Variants in GABRB3 observed in about 807,000 individuals in gnomAD.
GABRB3 encodes gamma-aminobutyric acid receptor subunit beta-3.
A neutral mutation model predicts 52.1 loss-of-function variants in GABRB3; 14 were observed. That is an observed-to-expected ratio of 0.27 (90% confidence interval 0.18 to 0.42). The LOEUF is 0.42. GABRB3 is among the 10% of genes least tolerant of loss of function. The pLI, the probability that GABRB3 is intolerant of heterozygous loss-of-function variation, is 1.00. For synonymous variants in GABRB3, 260 were observed against 232.3 expected (o/e 1.12, Z -1.08); for missense variants, 307 against 609.1 (o/e 0.50, Z 5.22).
intron 3 of GABRB3, among the ~76,000 whole-genome samples, chr15:26,746,281 A>T (rs1209418251): frequency 6.6e-6 from 1 of 151,966 alleles, no homozygotes; most frequent in African/African-American, 2.4e-5. Context: ...ATGTCAGTGC[A>T]TATGTTTTGC....
At chr15:26,734,030 T>C (rs1177590710) in intron 3 of GABRB3, among the ~76,000 whole-genome samples, 5 of 146,388 alleles carry the variant, frequency 3.4e-5, no homozygotes, top group Non-Finnish European at 6.0e-5. Flanking sequence ...GGGCTTTTTT[T>C]TTTTTTTTTT....
At chr15:26,678,877 C>T (rs981417232) in intron 3 of GABRB3, among the ~76,000 whole-genome samples, 1 of 152,076 alleles carries the variant, frequency 6.6e-6, no homozygotes, top group African/African-American at 2.4e-5. Context: ...CAGAGGAGCC[C>T]AGTGATTGTA....
chr15:26,681,273 C>A (rs549415528), intron 3 of GABRB3, among the ~76,000 whole-genome samples: 9 of 152,276 alleles, frequency 5.9e-5, no homozygotes, highest in Admixed American at 2.6e-4. Flanking sequence ...CTTCCATCTC[C>A]TTCCTCAGGG....
rs1007131652 is a variant in GABRB3, at chr15:26,579,774, T to G, written c.682+545A>C. Among the ~76,000 whole-genome samples, 9 of 152,140 alleles carry G rather than the reference T, an allele frequency of 5.9e-5. 1 individual carries two copies. In the South Asian group the frequency reaches 6.2e-4, roughly 11 times the overall value. On this transcript the variant is annotated intron_variant, in intron 6 of 8. Transcript: ENST00000311550. ...AGACGCCATCTCAATCTTGGGGCAG[T>G]TGATATAAAGATGACAAGGAAACCC... is the stretch of plus-strand genomic sequence containing the variant.
In GABRB3 at chr15:26,546,401, A is replaced by G. The variant is rs1889243575; in HGVS notation, c.*1392T>C. 6.6e-6 allele frequency: 1 copy of G among 152,546 alleles called. No individual in the cohort carries two copies. 9.4% of individuals were successfully genotyped at this position (152,546 alleles called of 1,614,324 possible). On this transcript the variant is annotated 3_prime_UTR_variant, in exon 9 of 9. Coordinates refer to ENST00000311550, the MANE Select transcript of GABRB3 (RefSeq NM_000814.6). ...TGTCTTGTTTCTACGAGCTTTAAAA[A>G]GTCCAAATACTGATGAGGCTGTGGA...
At chr15:26,615,955 G>C (rs1892240522) in intron 4 of GABRB3, 10 of 1,288,864 alleles carry the variant, frequency 7.8e-6, no homozygotes, top group South Asian at 6.2e-5. Flanking sequence ...TTTACAAGCA[G>C]GAACAGCAGG....
At chr15:26,758,938 C>T (rs1720225834) in intron 3 of GABRB3, among the ~76,000 whole-genome samples, 1 of 152,120 alleles carries the variant, frequency 6.6e-6, no homozygotes, top group Non-Finnish European at 1.5e-5. Flanking sequence ...CCATCTACAG[C>T]GGAAAAACCT....
chr15:26,577,074 G>A (rs1890619227), intron 6 of GABRB3, among the ~76,000 whole-genome samples: 1 of 152,156 alleles, frequency 6.6e-6, no homozygotes. Context: ...AGATAGACAG[G>A]ATATGATGAC....
In GABRB3 at chr15:26,648,567, G is replaced by C. The variant is rs117501876; in HGVS notation, c.241-27033C>G. ...GAAAGGGCCATCAGTTAAAAATACT[G>C]AGGAGGAACAGTGAGGGAGCGGCAG... On this transcript the variant is annotated intron_variant, in intron 3 of 8. Coordinates refer to ENST00000311550, the MANE Select transcript of GABRB3 (RefSeq NM_000814.6). Among the ~76,000 whole-genome samples, 212 of 152,326 alleles carry C rather than the reference G, an allele frequency of 1.4e-3. 1 individual carries two copies. The highest frequency in any genetic ancestry group is 2.5e-3 in the Non-Finnish European group (172 of 68,028).
intron 3 of GABRB3, among the ~76,000 whole-genome samples, chr15:26,634,256 C>T (rs1892983143): frequency 6.6e-6 from 1 of 152,126 alleles, no homozygotes; most frequent in Admixed American, 6.5e-5. Flanking sequence ...CCTTTCCATC[C>T]AGATGCCCCA....
At chr15:26,676,030 A>G (rs1869450566) in intron 3 of GABRB3, among the ~76,000 whole-genome samples, 1 of 152,204 alleles carries the variant, frequency 6.6e-6, no homozygotes, top group African/African-American at 2.4e-5. Flanking sequence ...CTTTGTCATC[A>G]GAACTTATGC....
At chr15:26,686,737 G>A (rs922674984) in intron 3 of GABRB3, among the ~76,000 whole-genome samples, 2 of 152,216 alleles carry the variant, frequency 1.3e-5, no homozygotes, top group Non-Finnish European at 1.5e-5. Context: ...CCTCCTTAGC[G>A]TGCTGGCACA....
intron 3 of GABRB3, among the ~76,000 whole-genome samples, chr15:26,729,892 G>A (rs1314344028): frequency 1.3e-5 from 2 of 152,166 alleles, no homozygotes; most frequent in Non-Finnish European, 2.9e-5. Context: ...TCTCTCTACA[G>A]AACATCTGCC....
At chr15:26,676,291 CCTCTT>C (rs1209668499) in intron 3 of GABRB3, among the ~76,000 whole-genome samples, 11 of 152,162 alleles carry the variant, frequency 7.2e-5, no homozygotes, top group Admixed American at 2.0e-4. Context: ...CAGGGTTTTT[CCTCTT>C]CTCTTTTCAT....
intron 3 of GABRB3, among the ~76,000 whole-genome samples, chr15:26,670,349 C>G (rs1566798789): frequency 6.6e-6 from 1 of 152,168 alleles, no homozygotes; most frequent in Non-Finnish European, 1.5e-5. Flanking sequence ...CTGGACAGAC[C>G]CGGTCCAGGC....
intron 3 of GABRB3, among the ~76,000 whole-genome samples, chr15:26,740,960 T>C (rs1890189839): frequency 6.6e-6 from 1 of 151,746 alleles, no homozygotes; most frequent in African/African-American, 2.4e-5. Context: ...CGACTCTGAG[T>C]CAGAATTTCA....
chr15:26,606,154 A>T (rs1566770010), intron 4 of GABRB3, among the ~76,000 whole-genome samples: 1 of 152,138 alleles, frequency 6.6e-6, no homozygotes, highest in Non-Finnish European at 1.5e-5. Flanking sequence ...TGAGATGTGG[A>T]CAGGGGCACA....
Position 26,570,410 on chromosome 15 carries a change from C to T in GABRB3, c.683-2677G>A, listed in dbSNP as rs561818949. Among the ~76,000 whole-genome samples the T allele has an allele frequency of 2.0e-5, 3 of 152,332 alleles. No individual in the cohort carries two copies. The East Asian group carries it at 5.8e-4, about 29-fold the overall frequency. Reference sequence around the variant, plus strand: ...ACGGGGGCCAGACCCTCCTCGCGGGCCTCGCCCTCCTGGCTCTGGGCCTTG... The same window carrying T: ...ACGGGGGCCAGACCCTCCTCGCGGGTCTCGCCCTCCTGGCTCTGGGCCTTG... On this transcript the variant is annotated intron_variant, in intron 6 of 8. Coordinates refer to ENST00000311550, the MANE Select transcript of GABRB3 (RefSeq NM_000814.6).
At chr15:26,631,981 G>A (rs1892924049) in intron 3 of GABRB3, among the ~76,000 whole-genome samples, 1 of 152,186 alleles carries the variant, frequency 6.6e-6, no homozygotes, top group South Asian at 2.1e-4. Context: ...CAATCTAGTG[G>A]GGAGAAAGAA....
Sources: allele counts gnomAD v4.1 joint callset (sites outside exome capture counted in the v4.1 genomes callset), GRCh38; gene constraint gnomAD v4.1.1; transcripts MANE v1.5; gene names NCBI Gene and HGNC (gene_info 2026-07-23, HGNC 2026-07-21).